SCMH1: variants seen among roughly 807,000 people sequenced by gnomAD.
The protein encoded by SCMH1 is polycomb protein SCMH1.
In SCMH1, 37 loss-of-function variants were observed where a neutral mutation model predicts 70.8. That is an observed-to-expected ratio of 0.52 (90% CI 0.40 to 0.69). SCMH1 has a LOEUF of 0.69. Among genes scored for constraint, SCMH1 ranks in the 30% least tolerant of loss-of-function variants. The pLI, the probability that SCMH1 is intolerant of heterozygous loss-of-function variation, is 0.00. For synonymous variants in SCMH1, 292 were observed against 307.4 expected, an observed-to-expected ratio of 0.95 and a Z score of 0.52; for missense variants, 607 against 827.3, an observed-to-expected ratio of 0.73 and a Z score of 3.27.
chr1:41,146,328 A>C (rs941842675), intron 5 of SCMH1, among the ~76,000 whole-genome samples: 5 of 152,204 alleles, frequency 3.3e-5, no homozygotes, highest in Non-Finnish European at 5.9e-5. Context: ...TAAAGCGAAA[A>C]ATTTACAGTA....
intron 6 of SCMH1, among the ~76,000 whole-genome samples, chr1:41,131,979 G>A (rs1488685810): frequency 1.3e-5 from 2 of 152,128 alleles, no homozygotes; most frequent in Non-Finnish European, 2.9e-5. Context: ...CCAATTGTTT[G>A]CTATTGTGAA....
intron 11 of SCMH1, among the ~76,000 whole-genome samples, chr1:41,047,482 C>T (rs923791032): frequency 3.3e-5 from 5 of 151,526 alleles, no homozygotes; most frequent in Non-Finnish European, 5.9e-5. Context: ...CTGCAACCTC[C>T]GCCTCCCAGG....
At chr1:41,073,863 C>T (rs1571816872) in intron 9 of SCMH1, among the ~76,000 whole-genome samples, 1 of 152,206 alleles carries the variant, frequency 6.6e-6, no homozygotes, top group East Asian at 1.9e-4. Flanking sequence ...GACAAACAAA[C>T]TAACCCTAGG....
At chr1:41,049,310 A>ATATGTG (rs5773722) in intron 10 of SCMH1, among the ~76,000 whole-genome samples, 8 of 149,894 alleles carry the variant, frequency 5.3e-5, no homozygotes, top group Admixed American at 2.0e-4. Flanking sequence ...GCAAGGGCAT[A>ATATGTG]TGTGTGTGTG....
intron 6 of SCMH1, among the ~76,000 whole-genome samples, chr1:41,122,989 G>A (rs80227175): frequency 1.3e-5 from 2 of 152,118 alleles, no homozygotes; most frequent in Middle Eastern, 3.2e-3. Flanking sequence ...GGAGACTGAC[G>A]CAGGAGGATC....
chr1:41,175,100 A>G (rs1647028299), intron 2 of SCMH1, among the ~76,000 whole-genome samples: 1 of 152,232 alleles, frequency 6.6e-6, no homozygotes, highest in South Asian at 2.1e-4. Flanking sequence ...TAGCTGGTAA[A>G]CATTATTTCT....
At chr1:41,134,549 C>G (rs1342012880) in intron 6 of SCMH1, among the ~76,000 whole-genome samples, 1 of 152,104 alleles carries the variant, frequency 6.6e-6, no homozygotes, top group African/African-American at 2.4e-5. Flanking sequence ...CTTCTCAGCC[C>G]CAAGCTGATA....
chr1:41,125,323 C>A (rs1029991807), intron 6 of SCMH1, among the ~76,000 whole-genome samples: 2 of 151,580 alleles, frequency 1.3e-5, no homozygotes, highest in Non-Finnish European at 2.9e-5. Context: ...TCAGCTGATT[C>A]TTCCTTTTCA....
chr1:41,174,006 T>C (rs948983272), intron 2 of SCMH1, among the ~76,000 whole-genome samples: 4 of 152,142 alleles, frequency 2.6e-5, no homozygotes, highest in African/African-American at 4.8e-5. Context: ...AAATAAGTTA[T>C]AGTGTTCTAT....
rs186241267 is a variant in SCMH1 at position 41,176,178 on chromosome 1, A to C, written c.13+9943T>G. Among the ~76,000 whole-genome samples the C allele has an allele frequency of 3.4e-4, 44 of 130,348 alleles. No homozygotes were observed. The East Asian group carries it at 7.4e-3, about 22-fold the overall frequency. The allele number at this position is 130,348 out of a possible 152,430, so 85.5% of individuals were successfully genotyped here. On this transcript the variant is annotated intron_variant, in intron 2 of 14. Transcript: ENST00000337495. ...GAGCAAGACTTGTCTCAAAAAAAAA[A>C]CCAAAAAAAACAAAAAAAAAACAAA...
intron 2 of SCMH1, among the ~76,000 whole-genome samples, chr1:41,183,521 A>G (rs1262605193): frequency 2.0e-5 from 3 of 152,192 alleles, no homozygotes; most frequent in East Asian, 3.9e-4. Flanking sequence ...ATTATTTTGT[A>G]ACAGCTTTCT....
chr1:41,170,186 G>C (rs1364855573), intron 2 of SCMH1, among the ~76,000 whole-genome samples: 2 of 152,138 alleles, frequency 1.3e-5, no homozygotes, highest in Non-Finnish European at 2.9e-5. Context: ...AGAAAGACTT[G>C]CGTATGTCTA....
intron 8 of SCMH1, among the ~76,000 whole-genome samples, chr1:41,082,876 CAT>C (rs1424405550): frequency 1.3e-5 from 2 of 152,202 alleles, no homozygotes; most frequent in African/African-American, 4.8e-5. Context: ...ACAAAAACCA[CAT>C]GATTATCTCA....
intron 5 of SCMH1, among the ~76,000 whole-genome samples, chr1:41,145,956 T>C (rs1644514688): frequency 6.6e-6 from 1 of 152,204 alleles, no homozygotes; most frequent in Non-Finnish European, 1.5e-5. Context: ...ACTATATATT[T>C]TAAATCATTA....
At chr1:41,147,636 G>A (rs1644708439) in intron 5 of SCMH1, among the ~76,000 whole-genome samples, 1 of 151,972 alleles carries the variant, frequency 6.6e-6, no homozygotes, top group African/African-American at 2.4e-5. Flanking sequence ...ACAGAGAGGA[G>A]TATTAAAAGT....
At chr1:41,119,193 T>C (rs566475645) in intron 6 of SCMH1, among the ~76,000 whole-genome samples, 1 of 152,216 alleles carries the variant, frequency 6.6e-6, no homozygotes, top group East Asian at 1.9e-4. Context: ...AAAGTATCAA[T>C]TAACAACTGT....
intron 1 of SCMH1, among the ~76,000 whole-genome samples, chr1:41,219,006 A>G (rs941516653): frequency 3.9e-5 from 6 of 152,144 alleles, no homozygotes; most frequent in Admixed American, 3.9e-4. Flanking sequence ...AGAACAAACC[A>G]TATGATTAGA....
intron 9 of SCMH1, 49 bp downstream of exon 9, chr1:41,075,170 C>A (rs746081148): frequency 6.3e-7 from 1 of 1,581,280 alleles, no homozygotes; most frequent in Non-Finnish European, 8.7e-7. Context: ...GGCCGAATGA[C>A]CCCTTTATAA....
chr1:41,171,176 C>G (rs1483328209), intron 2 of SCMH1, among the ~76,000 whole-genome samples: 2 of 152,200 alleles, frequency 1.3e-5, no homozygotes, highest in Non-Finnish European at 2.9e-5. Context: ...CCTGATATGG[C>G]ACTATTTCCC....
Sources: allele counts gnomAD v4.1 joint callset (sites outside exome capture counted in the v4.1 genomes callset), GRCh38; gene constraint gnomAD v4.1.1; transcripts MANE v1.5; gene names NCBI Gene and HGNC (gene_info 2026-07-23, HGNC 2026-07-21).